The following FAT3 variants were observed in gnomAD, a reference collection of about 807,000 sequenced individuals.
The protein encoded by FAT3 is FAT atypical cadherin 3, also known as protocadherin Fat 3.
FAT3 carries 95 observed loss-of-function variants against 310.2 expected under a neutral mutation model. The observed-to-expected ratio is 0.31, with a 90% CI of 0.26 to 0.36. The LOEUF (loss-of-function observed/expected upper bound fraction) is 0.36. Ranked by LOEUF, FAT3 falls within the 10% of genes least tolerant of loss-of-function variation. The pLI, the probability that FAT3 is intolerant of heterozygous loss-of-function variation, is 1.00. For missense variants in FAT3, 5,408 were observed against 5,715.6 expected, an observed-to-expected ratio of 0.95 and a Z score of 1.74; for synonymous variants, 2,314 against 2,192.9, an observed-to-expected ratio of 1.06 and a Z score of -1.54.
At chr11:92,651,165 T>A (rs565709) in intron 3 of FAT3, among the ~76,000 whole-genome samples, 73,293 of 152,088 alleles carry the variant, frequency 0.48, 17,908 homozygotes, top group African/African-American at 0.49. Context: ...AATTGTCAAA[T>A]GGCTACTGTT....
chr11:92,647,968 A>T (rs1942227087), intron 3 of FAT3, among the ~76,000 whole-genome samples: 1 of 152,146 alleles, frequency 6.6e-6, no homozygotes, highest in Admixed American at 6.5e-5. Flanking sequence ...TTTCACTAGT[A>T]GACCTGGATT....
At chr11:92,616,828 T>C (rs1190393767) in intron 3 of FAT3, among the ~76,000 whole-genome samples, 2 of 152,154 alleles carry the variant, frequency 1.3e-5, no homozygotes, top group Non-Finnish European at 2.9e-5. Context: ...GCTTGTAGAG[T>C]TTCTGCCGAG....
intron 1 of FAT3, among the ~76,000 whole-genome samples, chr11:92,274,682 CTG>C (rs1410014070): frequency 6.6e-6 from 1 of 151,922 alleles, no homozygotes; most frequent in African/African-American, 2.4e-5. Flanking sequence ...TTTTCTATTT[CTG>C]TGTTTTCTTT....
intron 2 of FAT3, among the ~76,000 whole-genome samples, chr11:92,355,947 T>A (rs1389829302): frequency 1.3e-5 from 2 of 152,152 alleles, no homozygotes; most frequent in Non-Finnish European, 2.9e-5. Context: ...TATAAGGAGG[T>A]GTGCTTCTAC....
In FAT3 at chr11:92,567,974, T is replaced by C. The variant is rs186631578; in HGVS notation, c.3607+43026T>C. The stretch of plus-strand genomic sequence containing the variant: ...AGCTAGTGGGTGCAGTGCACCCGCA[T>C]GGCACATGTGTACATATGTAACTAA... On this transcript the variant is annotated intron_variant, in intron 3 of 27. Transcript: ENST00000525166. Among the ~76,000 whole-genome samples the C allele has an allele frequency of 2.4e-3, 359 of 152,178 alleles. 1 individual carries two copies. Among genetic ancestry groups the C allele is most frequent in the Non-Finnish European group, 2.3e-3 (158 of 68,014 alleles).
intron 3 of FAT3, among the ~76,000 whole-genome samples, chr11:92,530,796 CT>C (rs1954040439): frequency 6.6e-6 from 1 of 151,768 alleles, no homozygotes; most frequent in South Asian, 2.1e-4. Flanking sequence ...TAAGTTAAGC[CT>C]TGTGTTTATG....
intron 2 of FAT3, among the ~76,000 whole-genome samples, chr11:92,497,820 C>A (rs1952810313): frequency 6.6e-6 from 1 of 152,014 alleles, no homozygotes; most frequent in Non-Finnish European, 1.5e-5. Context: ...TTAGATGGAG[C>A]CTCGGATGAG....
At chr11:92,686,939 A>C (rs1413198237) in intron 3 of FAT3, among the ~76,000 whole-genome samples, 1 of 152,176 alleles carries the variant, frequency 6.6e-6, no homozygotes, top group African/African-American at 2.4e-5. Flanking sequence ...CTGTTTTCAC[A>C]CCTCAAGTGT....
At chr11:92,420,872 AC>A (rs1458104996) in intron 2 of FAT3, among the ~76,000 whole-genome samples, 1 of 152,186 alleles carries the variant, frequency 6.6e-6, no homozygotes, top group Admixed American at 6.5e-5. Context: ...GATTTCTATC[AC>A]ACATAGCCTT....
chr11:92,446,731 A>G (rs187462828), intron 2 of FAT3, among the ~76,000 whole-genome samples: 19 of 152,288 alleles, frequency 1.2e-4, no homozygotes, highest in African/African-American at 4.6e-4. Context: ...TATAGGCTAT[A>G]TTCGTAATCC....
chr11:92,834,924 T>A lies in FAT3; in HGVS notation c.9926T>A (p.Leu3309Gln), dbSNP rs1285171049. ...LDYELCKRFY[L>Q]VVEAKDGGTP... ...TATGAATTATGCAAAAGGTTTTACC[T>A]GGTAGTGGAAGCCAAAGATGGGGGC... Residue 3309 changes from leucine (L) to glutamine (Q), a missense_variant, in exon 15 of 28, where the codon CTG becomes CAG. Leu to Gln is a moderately radical substitution (Grantham distance 113). This residue lies in a region of FAT3 where 4,588 missense variants were observed against 4,809.8 expected (regional missense o/e 0.95). Coordinates refer to ENST00000525166, the MANE Select transcript of FAT3 (RefSeq NM_001367949.2). 1 of 1,613,128 alleles carries A rather than the reference T, an allele frequency of 6.2e-7. No homozygotes were observed. The highest frequency in any genetic ancestry group is 8.5e-7 in the Non-Finnish European group (1 of 1,179,546).
Position 92,798,367 on chromosome 11 carries a change from A to G in FAT3, c.5354A>G (p.Asn1785Ser). 5 of 1,613,492 alleles carry G rather than the reference A, an allele frequency of 3.1e-6. No homozygotes were observed. Among genetic ancestry groups the G allele is most frequent in the Non-Finnish European group, 4.2e-6 (5 of 1,179,746 alleles). ...SGSLSEAAPI[N>S]SIVRSLDNSP... ...AGCCTAAGTGAGGCTGCCCCAATTAATAGCATTGTCAGGAGCTTGGATAAC... is the reference window on the plus strand; with the variant it reads ...AGCCTAAGTGAGGCTGCCCCAATTAGTAGCATTGTCAGGAGCTTGGATAAC... The change falls in exon 10 of 28, where the codon AAT (asparagine) becomes AGT (serine). Residue 1785 changes from asparagine (N) to serine (S), a missense_variant. Coordinates refer to ENST00000525166, the MANE Select transcript of FAT3 (RefSeq NM_001367949.2).
chr11:92,670,820 G>A (rs537370130), intron 3 of FAT3, among the ~76,000 whole-genome samples: 2 of 152,314 alleles, frequency 1.3e-5, no homozygotes, highest in African/African-American at 2.4e-5. Flanking sequence ...AAAACACTCT[G>A]TGTCTAGCTG....
intron 1 of FAT3, among the ~76,000 whole-genome samples, chr11:92,244,194 A>C (rs963186570): frequency 6.6e-6 from 1 of 152,092 alleles, no homozygotes; most frequent in Non-Finnish European, 1.5e-5. Flanking sequence ...TGAGATTATC[A>C]TATTTTCTTT....
At chr11:92,595,438 A>G (rs1939654275) in intron 3 of FAT3, among the ~76,000 whole-genome samples, 1 of 152,214 alleles carries the variant, frequency 6.6e-6, no homozygotes, top group South Asian at 2.1e-4. Context: ...GGCTTTTAAC[A>G]GGCTGTGGTT....
intron 3 of FAT3, among the ~76,000 whole-genome samples, chr11:92,540,377 C>T (rs1471965481): frequency 6.6e-6 from 1 of 152,136 alleles, no homozygotes; most frequent in Admixed American, 6.5e-5. Flanking sequence ...GGATTGATTG[C>T]ACTGGTGAAG....
intron 2 of FAT3, among the ~76,000 whole-genome samples, chr11:92,402,405 TA>T (rs908288756): frequency 6.6e-6 from 1 of 152,062 alleles, no homozygotes; most frequent in African/African-American, 2.4e-5. Context: ...TTTTCTGTCC[TA>T]GGGGAGAAAA....
At chr11:92,527,672 G>A (rs1461274878) in intron 3 of FAT3, among the ~76,000 whole-genome samples, 2 of 152,084 alleles carry the variant, frequency 1.3e-5, no homozygotes, top group Non-Finnish European at 2.9e-5. Flanking sequence ...CTGCCTAGGG[G>A]GCAACCTTCA....
intron 3 of FAT3, among the ~76,000 whole-genome samples, chr11:92,670,123 C>A (rs1163411521): frequency 2.6e-5 from 4 of 152,158 alleles, no homozygotes; most frequent in African/African-American, 9.7e-5. Context: ...TATTAATGCT[C>A]TAATTTTTTC....
Sources: gnomAD v4.1 joint callset for allele counts (sites outside exome capture counted in the v4.1 genomes callset) on GRCh38, gnomAD v4.1.1 for gene constraint, gnomAD v4.1.1 regional missense constraint, MANE v1.5 for transcripts, NCBI Gene and HGNC (gene_info 2026-07-23, HGNC 2026-07-21) for gene names.